The following SCN9A variants were observed in gnomAD, a reference collection of about 807,000 sequenced individuals.
The protein encoded by SCN9A is sodium voltage-gated channel alpha subunit 9.
In SCN9A, 131 loss-of-function variants were observed where a neutral mutation model predicts 187.0. The observed-to-expected ratio is 0.70, with a 90% confidence interval of 0.61 to 0.81. The LOEUF (loss-of-function observed/expected upper bound fraction) is 0.81. SCN9A is among the 30% of genes least tolerant of loss of function. The pLI is 0.00. For synonymous variants in SCN9A, 809 were observed against 808.6 expected, an observed-to-expected ratio of 1.00 and a Z score of -0.01; for missense variants, 2,252 against 2,396.6, an observed-to-expected ratio of 0.94 and a Z score of 1.26.
intron 24 of SCN9A, among the ~76,000 whole-genome samples, chr2:166,213,194 T>C (rs1361481248): frequency 6.6e-6 from 1 of 151,682 alleles, no homozygotes; most frequent in East Asian, 1.9e-4. Flanking sequence ...AAACTAAGAA[T>C]TGGTTTTTTC....
At chr2:166,375,548 C>G (rs1170245800) in intron 1 of SCN9A, 149 bp downstream of exon 1, 1 of 152,336 alleles carries the variant, frequency 6.6e-6, no homozygotes, top group African/African-American at 2.4e-5. Context: ...CTTCTCCCCT[C>G]TCTTCTTTCC....
intron 1 of SCN9A, among the ~76,000 whole-genome samples, chr2:166,364,017 A>C (rs1156685895): frequency 2.0e-5 from 3 of 152,132 alleles, no homozygotes; most frequent in Non-Finnish European, 2.9e-5. Context: ...GCAGATTAAA[A>C]ATGAACAAAG....
chr2:166,204,493 G>A, intron 24 of SCN9A, 29 bp from the exon 25 acceptor site: 1 of 1,402,644 alleles, frequency 7.1e-7, no homozygotes, highest in South Asian at 1.3e-5. Context: ...AATAAATGTA[G>A]TTAAAACCAG....
chr2:166,224,302 A>C (rs911175163), intron 24 of SCN9A, among the ~76,000 whole-genome samples: 1 of 152,188 alleles, frequency 6.6e-6, no homozygotes, highest in African/African-American at 2.4e-5. Context: ...TGTAAAATGG[A>C]ACATGAAATT....
At chr2:166,374,018 C>G (rs534834256) in intron 1 of SCN9A, among the ~76,000 whole-genome samples, 54 of 152,210 alleles carry the variant, frequency 3.5e-4, no homozygotes, top group African/African-American at 1.3e-3. Flanking sequence ...TATTTTGCTT[C>G]TGAAACTCAG....
At chr2:166,254,037 A>G (rs140227053) in intron 17 of SCN9A, among the ~76,000 whole-genome samples, 2 of 151,898 alleles carry the variant, frequency 1.3e-5, no homozygotes, top group African/African-American at 4.8e-5. Context: ...AAATTAGATT[A>G]TGAGCAAGTA....
intron 17 of SCN9A, among the ~76,000 whole-genome samples, chr2:166,270,762 G>GATAT (rs60551465): frequency 0.046 from 6,608 of 143,604 alleles, 484 homozygotes; most frequent in Admixed American, 0.21. Context: ...GCATTTTACT[G>GATAT]ATATATATAT....
intron 20 of SCN9A, among the ~76,000 whole-genome samples, chr2:166,236,930 T>G (rs1695342592): frequency 1.3e-5 from 2 of 152,176 alleles, no homozygotes; most frequent in Admixed American, 1.3e-4. Context: ...TTTAAAGCAC[T>G]TATTGGCATA....
rs184491945 is a variant in SCN9A, at chr2:166,338,980, C to T, written c.-50-27174G>A. Among the ~76,000 whole-genome samples, 471 of 152,218 alleles carry T rather than the reference C, an allele frequency of 3.1e-3. 4 individuals are homozygous for T. Among genetic ancestry groups the T allele is most frequent in the African/African-American group, 0.011 (451 of 41,542 alleles). ...ACATTAGAGGAAGGATGTTTTAAAA[C>T]TTTAAAATGCAGAAATACATGGCTT... On this transcript the variant is annotated intron_variant, in intron 1 of 26. Coordinates refer to ENST00000642356, the MANE Select transcript of SCN9A (RefSeq NM_001365536.1).
chr2:166,250,655 A>G (rs1473099450), intron 18 of SCN9A, among the ~76,000 whole-genome samples: 1 of 152,128 alleles, frequency 6.6e-6, no homozygotes, highest in East Asian at 1.9e-4. Context: ...TATCCCTGAC[A>G]AATTCCAGAA....
chr2:166,204,591 T>G, intron 24 of SCN9A, 127 bp from the exon 25 acceptor site: 1 of 515,324 alleles, frequency 1.9e-6, no homozygotes, highest in South Asian at 4.0e-5. Flanking sequence ...ATGTTCATGA[T>G]AGCTATACAT....
chr2:166,294,416 C>A, intron 8 of SCN9A, 183 bp downstream of exon 8: 1 of 453,800 alleles, frequency 2.2e-6, no homozygotes, highest in Non-Finnish European at 3.9e-6. Context: ...GTCTTGCTTT[C>A]AAGAGTATGC....
chr2:166,323,897 G>A (rs1174586030), intron 1 of SCN9A, among the ~76,000 whole-genome samples: 1 of 151,454 alleles, frequency 6.6e-6, no homozygotes, highest in Non-Finnish European at 1.5e-5. Context: ...GACATCTCTT[G>A]TAGAAAGCAA....
Position 166,337,229 on chromosome 2 carries a change from A to T in SCN9A, c.-50-25423T>A, listed in dbSNP as rs1699651040. Reference sequence around the variant, plus strand: ...TGAGCATCCAAGATTACTTTCAGGTATCTGACTTGGCCTGCCAAGTTAATA... The same window carrying T: ...TGAGCATCCAAGATTACTTTCAGGTTTCTGACTTGGCCTGCCAAGTTAATA... On this transcript the variant is annotated intron_variant, in intron 1 of 26. Coordinates refer to ENST00000642356, the MANE Select transcript of SCN9A (RefSeq NM_001365536.1). Among the ~76,000 whole-genome samples the T allele has an allele frequency of 2.0e-5, 3 of 152,128 alleles. No individual in the cohort carries two copies. In the South Asian group the frequency reaches 6.2e-4, roughly 32 times the overall value.
At chr2:166,312,082 TC>T (rs1437689495) in intron 1 of SCN9A, among the ~76,000 whole-genome samples, 1 of 152,134 alleles carries the variant, frequency 6.6e-6, no homozygotes, top group Non-Finnish European at 1.5e-5. Flanking sequence ...TTTCCTAAAT[TC>T]CCCTTCTTTT....
intron 24 of SCN9A, among the ~76,000 whole-genome samples, chr2:166,223,836 G>A (rs899348053): frequency 1.5e-4 from 23 of 152,084 alleles, no homozygotes; most frequent in African/African-American, 5.5e-4. Context: ...CATCTACTAC[G>A]TACTTCTACA....
intron 26 of SCN9A, 66 bp from the exon 27 acceptor site, chr2:166,199,930 C>CTA (rs1693404913): frequency 1.9e-6 from 2 of 1,033,760 alleles, no homozygotes; most frequent in East Asian, 7.9e-5. Context: ...AATGATGACT[C>CTA]TAAACAGTTT....
intron 11 of SCN9A, 82 bp from the exon 12 acceptor site, chr2:166,284,906 T>C: frequency 2.1e-6 from 3 of 1,398,504 alleles, no homozygotes; most frequent in Non-Finnish European, 2.8e-6. Context: ...CTGAACCCAC[T>C]GGCCTGAGGG....
chr2:166,353,957 TCTC>T (rs1300137428), intron 1 of SCN9A, among the ~76,000 whole-genome samples: 2 of 152,154 alleles, frequency 1.3e-5, no homozygotes, highest in Non-Finnish European at 2.9e-5. Flanking sequence ...GTGAAATACT[TCTC>T]CTAACCCAAG....
Sources: gnomAD v4.1 joint callset for allele counts (sites outside exome capture counted in the v4.1 genomes callset) on GRCh38, gnomAD v4.1.1 for gene constraint, MANE v1.5 for transcripts, NCBI Gene and HGNC (gene_info 2026-07-23, HGNC 2026-07-21) for gene names.